The following TOR3A variants were observed in gnomAD, a reference collection of about 807,000 sequenced individuals.
The protein encoded by TOR3A is torsin family 3 member A, also known as torsin-3A.
TOR3A carries 44 observed loss-of-function variants against 42.1 expected under a neutral mutation model. The ratio of observed to expected loss-of-function variants is 1.04; its 90% CI spans 0.82 to 1.34. TOR3A has a LOEUF of 1.34. Ranked by LOEUF, TOR3A falls within the 40% of genes most tolerant of loss-of-function variation. The pLI is 0.00. For synonymous variants in TOR3A, 227 were observed against 213.2 expected (o/e 1.06, Z -0.57); for missense variants, 521 against 507.6 (o/e 1.03, Z -0.25).
At chr1:179,094,909 A>C in intron 5 of TOR3A, 59 bp from the exon 6 acceptor site, 7 of 1,543,304 alleles carry the variant, frequency 4.5e-6, no homozygotes, top group Non-Finnish European at 5.4e-6. Flanking sequence ...CACCCCCGCT[A>C]AATTCCAGCT....
intron 4 of TOR3A, among the ~76,000 whole-genome samples, chr1:179,088,685 T>C (rs143561897): frequency 7.5e-4 from 114 of 152,316 alleles, no homozygotes; most frequent in African/African-American, 2.5e-3. Context: ...TGTAGTTCAG[T>C]TGTGACGCTA....
At position 179,095,256 on chromosome 1, in the gene TOR3A, A is replaced by T. The variant is rs1265920519; in HGVS notation, c.*38A>T. On this transcript the variant is annotated 3_prime_UTR_variant, in exon 6 of 6. Coordinates refer to ENST00000367627, the MANE Select transcript of TOR3A (RefSeq NM_022371.4). ...GACTTCCTGGAACTGCCTTTCTTCC[A>T]CTAACAGGACCCTGGGACCTGTAGG... The T allele has an allele frequency of 5.0e-6, 8 of 1,610,662 alleles. No homozygotes were observed. The highest frequency in any genetic ancestry group is 6.8e-6 in the Non-Finnish European group (8 of 1,178,688).
At chr1:179,082,756 GC>G in intron 1 of TOR3A, 183 bp from the exon 2 acceptor site, 1 of 705,346 alleles carries the variant, frequency 1.4e-6, no homozygotes, top group Non-Finnish European at 2.6e-6. Flanking sequence ...CCTGGTGACT[GC>G]CGTCTCCCTT....
intron 4 of TOR3A, among the ~76,000 whole-genome samples, chr1:179,088,937 C>T (rs1469405139): frequency 5.9e-5 from 9 of 152,304 alleles, no homozygotes; most frequent in Non-Finnish European, 8.8e-5. Flanking sequence ...AACTCCACTC[C>T]GGCCTCGCCT....
intron 2 of TOR3A, chr1:179,085,284 TATG>T (rs1557886937): frequency 4.2e-6 from 1 of 238,264 alleles, no homozygotes; most frequent in East Asian, 9.1e-5. Context: ...ATTAGCTGGG[TATG>T]GTGGTGGGCA....
At chr1:179,084,356 G>A (rs1293378491) in intron 2 of TOR3A, among the ~76,000 whole-genome samples, 1 of 152,008 alleles carries the variant, frequency 6.6e-6, no homozygotes, top group Non-Finnish European at 1.5e-5. Context: ...CCTCCCGAGT[G>A]GCTGGGATTA....
chr1:179,095,261 C>G lies in TOR3A; in HGVS notation c.*43C>G, dbSNP rs754775008. ...CCTGGAACTGCCTTTCTTCCACTAA[C>G]AGGACCCTGGGACCTGTAGGAGCAC... On this transcript the variant is annotated 3_prime_UTR_variant, in exon 6 of 6. Coordinates refer to ENST00000367627, the MANE Select transcript of TOR3A (RefSeq NM_022371.4). The G allele has an allele frequency of 1.2e-5, 19 of 1,609,818 alleles. 1 individual carries two copies. In the South Asian group the frequency reaches 2.1e-4, roughly 18 times the overall value.
intron 4 of TOR3A, 69 bp downstream of exon 4, chr1:179,088,158 C>T (rs1572574873): frequency 6.9e-7 from 1 of 1,439,060 alleles, no homozygotes; most frequent in East Asian, 2.4e-5. Flanking sequence ...GTGGAGGCTT[C>T]CACACGCCCC....
At chr1:179,092,468 T>A (rs547284014) in intron 4 of TOR3A, among the ~76,000 whole-genome samples, 3 of 152,158 alleles carry the variant, frequency 2.0e-5, no homozygotes, top group Non-Finnish European at 4.4e-5. Flanking sequence ...CTCATGCCTG[T>A]CATCCCAACA....
In TOR3A at chr1:179,082,397, C is replaced by T. The variant is rs749366045; in HGVS notation, c.259+10C>T. On this transcript the variant is annotated intron_variant, in intron 1 of 5. Coordinates refer to ENST00000367627, the MANE Select transcript of TOR3A (RefSeq NM_022371.4). ...GCCACGGGGCCCCTGGGTAAGACCC[C>T]GTCCCCACGGTCCGCCGTTCGCTGC... 1.0e-5 allele frequency: 16 copies of T among 1,593,914 alleles called. No individual in the cohort carries two copies. The East Asian group carries it at 2.0e-4, about 20-fold the overall frequency.
intron 4 of TOR3A, 87 bp from the exon 5 acceptor site, chr1:179,094,006 G>A: frequency 6.7e-7 from 1 of 1,503,522 alleles, no homozygotes; most frequent in Non-Finnish European, 9.0e-7. Flanking sequence ...ATTCTTCCAG[G>A]CACTAATGCA....
intron 4 of TOR3A, among the ~76,000 whole-genome samples, chr1:179,092,089 C>G (rs565606901): frequency 7.9e-5 from 12 of 152,348 alleles, no homozygotes; most frequent in Non-Finnish European, 1.5e-4. Context: ...AGCACCTCCC[C>G]CTACAATGAG....
chr1:179,094,884 ACCAACAGCAACCC>A (rs1652690366), intron 5 of TOR3A, 71 bp from the exon 6 acceptor site: 2 of 1,378,720 alleles, frequency 1.5e-6, no homozygotes. Context: ...TTTCAAAGAA[ACCAACAGCAACCC>A]CCACCCCCGC....
intron 1 of TOR3A, 24 bp downstream of exon 1, chr1:179,082,411 G>T: frequency 6.3e-7 from 1 of 1,580,250 alleles, no homozygotes. Context: ...CCCACGGTCC[G>T]CCGTTCGCTG....
Position 179,088,106 on chromosome 1 carries a change from A to T in TOR3A, c.818+17A>T. 6.4e-7 allele frequency: 1 copy of T among 1,553,020 alleles called. No individual in the cohort carries two copies. Among genetic ancestry groups the T allele is most frequent in the Non-Finnish European group, 8.7e-7 (1 of 1,149,458 alleles). ...GTTTCTCAGGTGGGTTCTGGGGAACAATAGTCAGGAGGGCTGGGGGAGGGG... is the reference window on the plus strand; with the variant it reads ...GTTTCTCAGGTGGGTTCTGGGGAACTATAGTCAGGAGGGCTGGGGGAGGGG... On this transcript the variant is annotated intron_variant, in intron 4 of 5. Transcript: ENST00000367627.
chr1:179,093,996 A>T, intron 4 of TOR3A, 97 bp from the exon 5 acceptor site: 1 of 1,471,046 alleles, frequency 6.8e-7, no homozygotes, highest in South Asian at 1.3e-5. Flanking sequence ...CTCAGCCTCT[A>T]TTCTTCCAGG....
intron 2 of TOR3A, 82 bp from the exon 3 acceptor site, chr1:179,085,546 G>T (rs1652408037): frequency 1.3e-6 from 2 of 1,543,752 alleles, no homozygotes; most frequent in East Asian, 4.5e-5. Flanking sequence ...ATTCAGAGTT[G>T]CTTGGTTTCT....
intron 4 of TOR3A, among the ~76,000 whole-genome samples, chr1:179,093,587 C>T (rs1016751000): frequency 2.6e-5 from 4 of 152,214 alleles, no homozygotes; most frequent in Non-Finnish European, 5.9e-5. Context: ...ACAAAGCCCT[C>T]CTCACCTTAG....
Position 179,094,953 on chromosome 1 carries a change from T to C in TOR3A, c.944-15T>C, listed in dbSNP as rs750795254. The C allele has an allele frequency of 3.1e-6, 5 of 1,614,016 alleles. No homozygotes were observed. The South Asian group carries it at 5.5e-5, about 18-fold the overall frequency. On this transcript the variant is annotated splice_polypyrimidine_tract_variant and intron_variant, in intron 5 of 5. Coordinates refer to ENST00000367627, the MANE Select transcript of TOR3A (RefSeq NM_022371.4). ...TCCTAGGTCAGACTCCATGTAACTT[T>C]GGTCTTGCTTTCAGACAATGGCTTT...
Sources: allele counts gnomAD v4.1 joint callset (sites outside exome capture counted in the v4.1 genomes callset), GRCh38; gene constraint gnomAD v4.1.1; transcripts MANE v1.5; gene names NCBI Gene and HGNC (gene_info 2026-07-23, HGNC 2026-07-21).